The following RMI1 variants were observed in gnomAD, a reference collection of about 807,000 sequenced individuals.
RMI1 encodes recQ-mediated genome instability protein 1.
RMI1 carries 36 observed loss-of-function variants against 46.7 expected under a neutral mutation model. The observed-to-expected ratio is 0.77, with a 90% CI of 0.59 to 1.02. The LOEUF (loss-of-function observed/expected upper bound fraction) is 1.02. Ranked by LOEUF, RMI1 falls within the 50% of genes least tolerant of loss-of-function variation. The pLI is 0.00. For synonymous variants in RMI1, 250 were observed against 252.9 expected, an observed-to-expected ratio of 0.99 and a Z score of 0.11; for missense variants, 676 against 713.7, an observed-to-expected ratio of 0.95 and a Z score of 0.60.
chr9:83,987,972 A>C (rs1004123059), intron 1 of RMI1, among the ~76,000 whole-genome samples: 3 of 151,820 alleles, frequency 2.0e-5, no homozygotes, highest in Non-Finnish European at 1.5e-5. Flanking sequence ...TGCAGCCTCA[A>C]CCTCCTGGGC....
At position 84,002,907 on chromosome 9, in the gene RMI1, A is replaced by C; in HGVS notation, c.*43A>C. The C allele has an allele frequency of 8.5e-7, 1 of 1,170,164 alleles. No individual in the cohort carries two copies. The highest frequency in any genetic ancestry group is 1.2e-6 in the Non-Finnish European group (1 of 845,240). The allele number at this position is 1,170,164 out of a possible 1,614,324, so 72.5% of individuals were successfully genotyped here. On this transcript the variant is annotated 3_prime_UTR_variant, in exon 3 of 3. Coordinates refer to ENST00000445877, the MANE Select transcript of RMI1 (RefSeq NM_001358291.2). ...TAGGAACAATTAAAAACAACAAGGA[A>C]ATATTTAGAATTTGTTCACAATTTT...
Position 84,002,649 on chromosome 9 carries a change from G to C in RMI1, c.1663G>C (p.Gly555Arg). 6.2e-7 allele frequency: 1 copy of C among 1,613,870 alleles called. No homozygotes were observed. The highest frequency in any genetic ancestry group is 8.5e-7 in the Non-Finnish European group (1 of 1,179,888). The change falls in exon 3 of 3, where the codon GGG becomes CGG. Residue 555 changes from glycine (G) to arginine (R), a missense_variant. Coordinates refer to ENST00000445877, the MANE Select transcript of RMI1 (RefSeq NM_001358291.2). ...FVDEILTSLI[G>R]FSVPEMKQSK... Reference sequence around the variant, plus strand: ...GGATGAAATACTTACTAGCTTGATAGGGTTCTCAGTACCAGAAATGAAACA... The same window carrying C: ...GGATGAAATACTTACTAGCTTGATACGGTTCTCAGTACCAGAAATGAAACA...
At position 84,001,201 on chromosome 9, in the gene RMI1, G is replaced by A; in HGVS notation, c.215G>A (p.Gly72Asp). 2 of 1,614,078 alleles carry A rather than the reference G, an allele frequency of 1.2e-6. No individual in the cohort carries two copies. Among genetic ancestry groups the A allele is most frequent in the Non-Finnish European group, 1.7e-6 (2 of 1,179,968 alleles). The part of the protein sequence containing the change: ...RDLEHPLLPD[G>D]ILEIPKGELN... ...TTGGAGCATCCTCTTTTACCCGATG[G>A]CATTTTAGAAATTCCAAAAGGAGAA... Residue 72 changes from glycine (G) to aspartate (D), a missense_variant, in exon 3 of 3, where the codon GGC becomes GAC. Transcript: ENST00000445877.
intron 1 of RMI1, among the ~76,000 whole-genome samples, chr9:83,984,464 G>A (rs1288199463): frequency 2.0e-5 from 3 of 151,386 alleles, no homozygotes; most frequent in Non-Finnish European, 2.9e-5. Flanking sequence ...TAGAGATGGG[G>A]TTTCTCCATG....
At chr9:83,997,647 T>G (rs1213909955) in intron 1 of RMI1, among the ~76,000 whole-genome samples, 1 of 151,972 alleles carries the variant, frequency 6.6e-6, no homozygotes, top group Non-Finnish European at 1.5e-5. Context: ...CAGGAGCACT[T>G]ACTATCATGA....
At chr9:83,991,799 ATG>A (rs1957578681) in intron 1 of RMI1, among the ~76,000 whole-genome samples, 2 of 152,280 alleles carry the variant, frequency 1.3e-5, no homozygotes, top group East Asian at 1.9e-4. Flanking sequence ...GATCATATAT[ATG>A]TGTGTCTATT....
At chr9:83,999,193 A>AAT (rs913826520) in intron 1 of RMI1, among the ~76,000 whole-genome samples, 187 of 151,356 alleles carry the variant, frequency 1.2e-3, no homozygotes, top group African/African-American at 3.9e-3. Flanking sequence ...TAAAATAAAA[A>AAT]AAAATAAAAT....
chr9:83,990,788 T>C (rs778463452), intron 1 of RMI1, among the ~76,000 whole-genome samples: 1 of 152,042 alleles, frequency 6.6e-6, no homozygotes, highest in Non-Finnish European at 1.5e-5. Flanking sequence ...ATTTGTTTTC[T>C]TTCTTTCTTT....
chr9:83,982,164 A>C (rs1292845405), intron 1 of RMI1, among the ~76,000 whole-genome samples: 1 of 152,236 alleles, frequency 6.6e-6, no homozygotes, highest in Non-Finnish European at 1.5e-5. Context: ...CTTGGATTAT[A>C]GAGATTTAAT....
At chr9:83,984,892 A>G (rs193036493) in intron 1 of RMI1, among the ~76,000 whole-genome samples, 1 of 152,338 alleles carries the variant, frequency 6.6e-6, no homozygotes, top group Non-Finnish European at 1.5e-5. Flanking sequence ...AATTTAAAAG[A>G]CAGTTTTCCA....
At chr9:83,990,105 CT>C (rs1268049366) in intron 1 of RMI1, among the ~76,000 whole-genome samples, 7 of 152,160 alleles carry the variant, frequency 4.6e-5, no homozygotes. Context: ...CATGTTCTCA[CT>C]CTTGGGATTT....
chr9:83,993,590 ATAATAT>A (rs1957605236), intron 1 of RMI1, among the ~76,000 whole-genome samples: 2 of 152,082 alleles, frequency 1.3e-5, no homozygotes, highest in Non-Finnish European at 2.9e-5. Context: ...CCATTTTATA[ATAATAT>A]TAACAGTGCA....
chr9:83,987,219 C>T (rs1042669823), intron 1 of RMI1, among the ~76,000 whole-genome samples: 1 of 152,100 alleles, frequency 6.6e-6, no homozygotes, highest in Non-Finnish European at 1.5e-5. Flanking sequence ...CGTGCCACCA[C>T]GCCCAGCTAA....
At position 84,001,218 on chromosome 9, in the gene RMI1, A is replaced by T. The variant is rs1236387795; in HGVS notation, c.232A>T (p.Lys78Ter). The T allele has an allele frequency of 1.1e-5, 18 of 1,614,016 alleles. No individual in the cohort carries two copies. The highest frequency in any genetic ancestry group is 1.5e-5 in the Non-Finnish European group (18 of 1,180,000). The change falls in exon 3 of 3, where the codon AAA (lysine) becomes TAA (stop). Residue 78 changes from lysine (K) to a stop codon, truncating the protein, a stop_gained. Coordinates refer to ENST00000445877, the MANE Select transcript of RMI1 (RefSeq NM_001358291.2). LOFTEE classifies it high-confidence loss of function. ...LLPDGILEIP[K>*]GELNGFYALQ... ...ACCCGATGGCATTTTAGAAATTCCA[A>T]AAGGAGAATTAAATGGATTTTATGC...
rs1487171427 is a variant in RMI1 at position 84,001,383 on chromosome 9, C to A, written c.397C>A (p.Arg133=). 2 of 1,613,966 alleles carry A rather than the reference C, an allele frequency of 1.2e-6. No individual in the cohort carries two copies. The highest frequency in any genetic ancestry group is 2.2e-5 in the East Asian group (1 of 44,880). The change falls in exon 3 of 3, where the codon CGA becomes AGA. Residue 133 remains arginine, a synonymous_variant. Transcript: ENST00000445877. ...TPKPWEAKPS[R]MLMLQLTDGI... is the part of the protein sequence containing the mutation. ...AAAACCTTGGGAAGCAAAGCCTTCACGAATGTTGATGCTGCAGCTAACTGA... is the reference window on the plus strand; with the variant it reads ...AAAACCTTGGGAAGCAAAGCCTTCAAGAATGTTGATGCTGCAGCTAACTGA...
intron 1 of RMI1, among the ~76,000 whole-genome samples, chr9:83,985,153 T>C (rs1022091765): frequency 3.9e-5 from 6 of 152,244 alleles, no homozygotes; most frequent in African/African-American, 1.4e-4. Flanking sequence ...CTAAACTTTA[T>C]AATATAGATC....
chr9:83,982,271 A>G (rs1241502893), intron 1 of RMI1, among the ~76,000 whole-genome samples: 1 of 152,216 alleles, frequency 6.6e-6, no homozygotes, highest in African/African-American at 2.4e-5. Flanking sequence ...TACGGTAATG[A>G]TGATGCTGTG....
intron 1 of RMI1, among the ~76,000 whole-genome samples, chr9:83,990,003 A>G (rs953234654): frequency 3.3e-5 from 5 of 152,260 alleles, no homozygotes; most frequent in Non-Finnish European, 5.9e-5. Context: ...TTATTCAGCC[A>G]TAAAAAAGAA....
At chr9:83,997,299 TG>T (rs1957671843) in intron 1 of RMI1, among the ~76,000 whole-genome samples, 1 of 151,660 alleles carries the variant, frequency 6.6e-6, no homozygotes, top group Non-Finnish European at 1.5e-5. Context: ...TTAGTAGAGA[TG>T]GGGTTTCTCC....
Sources: allele counts gnomAD v4.1 joint callset (sites outside exome capture counted in the v4.1 genomes callset), GRCh38; gene constraint gnomAD v4.1.1; transcripts MANE v1.5; gene names NCBI Gene and HGNC (gene_info 2026-07-23, HGNC 2026-07-21).